AK5: variants seen among roughly 807,000 people sequenced by gnomAD.
AK5 encodes adenylate kinase 5.
Under a neutral mutation model 69.5 loss-of-function variants are expected in AK5, and 27 were observed. The ratio of observed to expected loss-of-function variants is 0.39; its 90% CI spans 0.29 to 0.54. The LOEUF is 0.54. Ranked by LOEUF, AK5 falls within the 20% of genes least tolerant of loss-of-function variation. The probability of loss-of-function intolerance (pLI) is 0.71; values close to 1 mark genes in which losing one functional copy is unlikely to be tolerated. For synonymous variants in AK5, 260 were observed against 244.4 expected, an observed-to-expected ratio of 1.06 and a Z score of -0.60; for missense variants, 531 against 700.4, an observed-to-expected ratio of 0.76 and a Z score of 2.73.
intron 5 of AK5, among the ~76,000 whole-genome samples, chr1:77,316,210 T>A (rs1253123947): frequency 6.6e-6 from 1 of 152,162 alleles, no homozygotes; most frequent in Non-Finnish European, 1.5e-5. Flanking sequence ...CCAGGAATTG[T>A]GCTTAGGAAG....
intron 6 of AK5, among the ~76,000 whole-genome samples, chr1:77,380,485 T>G (rs894870447): frequency 1.3e-5 from 2 of 152,178 alleles, no homozygotes; most frequent in Non-Finnish European, 2.9e-5. Context: ...CTCACTCAGT[T>G]CCTCAAATAT....
chr1:77,447,916 A>C (rs1048392031), intron 8 of AK5, among the ~76,000 whole-genome samples: 4 of 152,220 alleles, frequency 2.6e-5, no homozygotes, highest in Non-Finnish European at 5.9e-5. Context: ...TGTGGGTGGT[A>C]GGAGAGAGAT....
chr1:77,288,287 C>T (rs1457402524), intron 2 of AK5, among the ~76,000 whole-genome samples: 1 of 152,092 alleles, frequency 6.6e-6, no homozygotes, highest in East Asian at 1.9e-4. Flanking sequence ...GAATTTGAGA[C>T]GTATAATAGT....
chr1:77,531,242 C>T (rs1346768099), intron 12 of AK5, among the ~76,000 whole-genome samples: 2 of 152,012 alleles, frequency 1.3e-5, no homozygotes. Flanking sequence ...CAGTGTGGAC[C>T]CAAAGAGTGA....
At chr1:77,479,361 A>G (rs1267175407) in intron 8 of AK5, among the ~76,000 whole-genome samples, 1 of 151,994 alleles carries the variant, frequency 6.6e-6, no homozygotes, top group Non-Finnish European at 1.5e-5. Flanking sequence ...ATGCGCCACT[A>G]TGCCCGGCTA....
intron 2 of AK5, among the ~76,000 whole-genome samples, chr1:77,289,569 G>A (rs1255342092): frequency 1.3e-5 from 2 of 152,102 alleles, no homozygotes; most frequent in Non-Finnish European, 2.9e-5. Context: ...AAGCTGCTCT[G>A]ACTGGGTGTA....
At chr1:77,473,780 A>G (rs1356421452) in intron 8 of AK5, among the ~76,000 whole-genome samples, 1 of 152,220 alleles carries the variant, frequency 6.6e-6, no homozygotes, top group Non-Finnish European at 1.5e-5. Context: ...TTCTGCACAT[A>G]TGTAGTTAAG....
chr1:77,540,029 C>G (rs1659183699), intron 13 of AK5, among the ~76,000 whole-genome samples: 1 of 152,252 alleles, frequency 6.6e-6, no homozygotes, highest in African/African-American at 2.4e-5. Flanking sequence ...GCACCGCCCT[C>G]AGGCCTCTAC....
At chr1:77,346,039 A>C (rs180750972) in intron 6 of AK5, 1 of 152,372 alleles carries the variant, frequency 6.6e-6, no homozygotes, top group East Asian at 1.9e-4. Context: ...AAATATTATT[A>C]AGAAAGTCAC....
intron 13 of AK5, among the ~76,000 whole-genome samples, chr1:77,557,526 C>T (rs979059764): frequency 6.6e-6 from 1 of 152,206 alleles, no homozygotes; most frequent in Non-Finnish European, 1.5e-5. Context: ...GCAGTACTTT[C>T]GTGCCCAGAA....
chr1:77,353,231 A>G (rs1296198369), intron 6 of AK5, among the ~76,000 whole-genome samples: 1 of 152,130 alleles, frequency 6.6e-6, no homozygotes, highest in Non-Finnish European at 1.5e-5. Context: ...TAATCTCAGC[A>G]CTTTGGGAGG....
intron 8 of AK5, among the ~76,000 whole-genome samples, chr1:77,479,318 G>A (rs1655126526): frequency 6.8e-6 from 1 of 147,270 alleles, no homozygotes; most frequent in South Asian, 2.1e-4. Flanking sequence ...GGAGTCTCCT[G>A]CCTAAACTTC....
At chr1:77,510,416 A>G (rs1216237794) in intron 10 of AK5, among the ~76,000 whole-genome samples, 2 of 152,226 alleles carry the variant, frequency 1.3e-5, no homozygotes, top group Non-Finnish European at 2.9e-5. Context: ...TTGAACTATA[A>G]AAGAGCAATT....
chr1:77,558,683 A>G lies in AK5; in HGVS notation c.*13A>G, dbSNP rs2100415156. The G allele has an allele frequency of 6.5e-7, 1 of 1,526,822 alleles. No individual in the cohort carries two copies. Among genetic ancestry groups the G allele is most frequent in the Non-Finnish European group, 9.1e-7 (1 of 1,104,150 alleles). 94.6% of individuals were successfully genotyped at this position (1,526,822 alleles called of 1,614,324 possible). A position where few individuals can be genotyped will look rare whatever the true frequency, so the allele number is the denominator to read the frequency against. On this transcript the variant is annotated 3_prime_UTR_variant, in exon 14 of 14. Coordinates refer to ENST00000354567, the MANE Select transcript of AK5 (RefSeq NM_174858.3). ...CTCTATTTTCTGAAGGCAAAAATGC[A>G]TGTTTGTTAGAATGGAAACAGAAAA...
intron 2 of AK5, among the ~76,000 whole-genome samples, chr1:77,288,943 T>G (rs1225820687): frequency 6.6e-6 from 1 of 152,158 alleles, no homozygotes; most frequent in Non-Finnish European, 1.5e-5. Flanking sequence ...CTATGGGAAG[T>G]CCTAAGGTAA....
intron 8 of AK5, among the ~76,000 whole-genome samples, chr1:77,452,593 T>A (rs760397270): frequency 1.3e-5 from 2 of 152,186 alleles, no homozygotes; most frequent in Non-Finnish European, 2.9e-5. Flanking sequence ...AAAATGCCAG[T>A]CACCTATGCG....
At chr1:77,490,754 C>A (rs1655935600) in intron 10 of AK5, among the ~76,000 whole-genome samples, 1 of 151,600 alleles carries the variant, frequency 6.6e-6, no homozygotes, top group Non-Finnish European at 1.5e-5. Context: ...TTTTCACAAC[C>A]TTTTCTGGTA....
chr1:77,383,279 A>G (rs921390148), intron 6 of AK5, among the ~76,000 whole-genome samples: 1 of 152,176 alleles, frequency 6.6e-6, no homozygotes, highest in Non-Finnish European at 1.5e-5. Context: ...AAACAAAACA[A>G]GAGTACACTT....
intron 6 of AK5, among the ~76,000 whole-genome samples, chr1:77,404,594 A>G (rs1649492351): frequency 6.6e-6 from 1 of 152,146 alleles, no homozygotes; most frequent in South Asian, 2.1e-4. Context: ...CAGTGCCATA[A>G]TATTTGCTAA....
Sources: allele counts gnomAD v4.1 joint callset (sites outside exome capture counted in the v4.1 genomes callset), GRCh38; gene constraint gnomAD v4.1.1; transcripts MANE v1.5; gene names NCBI Gene and HGNC (gene_info 2026-07-23, HGNC 2026-07-21).